The following TRERF1 variants were observed in gnomAD, a reference collection of about 807,000 sequenced individuals.
TRERF1 encodes the protein transcriptional-regulating factor 1.
In TRERF1, 27 loss-of-function variants were observed where a neutral mutation model predicts 122.9. The ratio of observed to expected loss-of-function variants is 0.22; its 90% CI spans 0.16 to 0.30. The LOEUF (loss-of-function observed/expected upper bound fraction) is 0.30. Ranked by LOEUF, TRERF1 falls within the 10% of genes least tolerant of loss-of-function variation. TRERF1 has a pLI of 1.00. For synonymous variants in TRERF1, 636 were observed against 641.7 expected, an observed-to-expected ratio of 0.99 and a Z score of 0.13; for missense variants, 1,248 against 1,560.3, an observed-to-expected ratio of 0.80 and a Z score of 3.37.
At chr6:42,311,844 C>A (rs1761722452) in intron 3 of TRERF1, among the ~76,000 whole-genome samples, 1 of 150,552 alleles carries the variant, frequency 6.6e-6, no homozygotes. Flanking sequence ...TCACTTTTCA[C>A]GTGGAGAACA....
chr6:42,238,973 G>A (rs1327000862), intron 15 of TRERF1, among the ~76,000 whole-genome samples: 1 of 151,988 alleles, frequency 6.6e-6, no homozygotes, highest in East Asian at 1.9e-4. Context: ...TGGTAAAAAA[G>A]TTGAACTGAG....
At chr6:42,386,183 C>G (rs1052176106) in intron 2 of TRERF1, among the ~76,000 whole-genome samples, 1 of 152,196 alleles carries the variant, frequency 6.6e-6, no homozygotes, top group Non-Finnish European at 1.5e-5. Context: ...CCTGTCTTTA[C>G]TAAAAACACA....
intron 2 of TRERF1, among the ~76,000 whole-genome samples, chr6:42,407,803 C>G (rs1780408132): frequency 6.6e-6 from 1 of 151,652 alleles, no homozygotes. Context: ...CAAATAAGCC[C>G]TATACCTGTC....
intron 14 of TRERF1, among the ~76,000 whole-genome samples, chr6:42,245,846 G>A (rs1396709538): frequency 1.3e-5 from 2 of 152,214 alleles, no homozygotes; most frequent in Admixed American, 1.3e-4. Flanking sequence ...GCCGGCTCAC[G>A]CCGGTAATCC....
At chr6:42,419,639 C>G (rs1034980662) in intron 2 of TRERF1, among the ~76,000 whole-genome samples, 2 of 152,130 alleles carry the variant, frequency 1.3e-5, no homozygotes, top group Non-Finnish European at 2.9e-5. Context: ...GCAACCAAAC[C>G]TTAAGGTCCC....
intron 17 of TRERF1, among the ~76,000 whole-genome samples, chr6:42,229,086 G>T (rs572277372): frequency 5.3e-4 from 80 of 152,256 alleles, no homozygotes; most frequent in African/African-American, 1.8e-3. Context: ...TCTGCCTCTG[G>T]CCTCTGTCCC....
At chr6:42,445,545 C>T (rs1469681344) in intron 2 of TRERF1, among the ~76,000 whole-genome samples, 2 of 152,098 alleles carry the variant, frequency 1.3e-5, no homozygotes, top group South Asian at 2.1e-4. Flanking sequence ...TACTTGACAT[C>T]TCCACTTTGA....
At chr6:42,308,993 TG>T (rs1787771448) in intron 3 of TRERF1, among the ~76,000 whole-genome samples, 1 of 152,218 alleles carries the variant, frequency 6.6e-6, no homozygotes, top group Admixed American at 6.5e-5. Flanking sequence ...AATTTTATGT[TG>T]GTGAATTTTA....
chr6:42,314,480 G>A (rs1018105890), intron 3 of TRERF1, among the ~76,000 whole-genome samples: 4 of 152,176 alleles, frequency 2.6e-5, no homozygotes, highest in Admixed American at 6.5e-5. Flanking sequence ...AATACTGGCC[G>A]AGTGCCTCAA....
intron 4 of TRERF1, among the ~76,000 whole-genome samples, chr6:42,272,014 A>C (rs143116471): frequency 6.6e-6 from 1 of 152,222 alleles, no homozygotes; most frequent in Non-Finnish European, 1.5e-5. Context: ...TTAAATTGCT[A>C]TGGTGTTTAG....
chr6:42,276,422 ATGCCTTGGCT>A lies in TRERF1; in HGVS notation c.-258-6584_-258-6575del, dbSNP rs1201690412. On this transcript the variant is annotated intron_variant, in intron 4 of 17. Transcript: ENST00000372922. This position sits in a 1 kb window ranked among gnomAD's most constrained non-coding sequence, Gnocchi z 4.3. ...AGAGACTGTATACACAATTCTCCAA[ATGCCTTGGCT>A]TGTGTTTTAGTCCAGCCTTCCTCTC... is the stretch of plus-strand genomic sequence containing the variant. Among the ~76,000 whole-genome samples, 5 of 152,142 alleles carry A rather than the reference ATGCCTTGGCT, an allele frequency of 3.3e-5. No individual in the cohort carries two copies. The highest frequency in any genetic ancestry group is 1.2e-4 in the African/African-American group (5 of 41,434).
intron 2 of TRERF1, among the ~76,000 whole-genome samples, chr6:42,365,440 T>C (rs1199693637): frequency 6.6e-6 from 1 of 152,142 alleles, no homozygotes; most frequent in Non-Finnish European, 1.5e-5. Flanking sequence ...GGCTTCATCA[T>C]TCTCCCGGGC....
At chr6:42,281,828 C>A (rs1782355904) in intron 4 of TRERF1, among the ~76,000 whole-genome samples, 1 of 152,232 alleles carries the variant, frequency 6.6e-6, no homozygotes, top group South Asian at 2.1e-4. Flanking sequence ...TGGGCGCTAA[C>A]CCCAGGCTAG....
At chr6:42,434,668 CCACACACACACACACACACA>C (rs3075920) in intron 2 of TRERF1, among the ~76,000 whole-genome samples, 6 of 114,896 alleles carry the variant, frequency 5.2e-5, no homozygotes, top group African/African-American at 1.7e-4. Flanking sequence ...ACACCCTCCA[CCACACACACACACACACACA>C]CACACACACA....
intron 16 of TRERF1, 146 bp downstream of exon 16, chr6:42,236,059 G>A: frequency 7.7e-7 from 1 of 1,294,258 alleles, no homozygotes; most frequent in South Asian, 1.8e-5. Context: ...GCCAAATGAA[G>A]CAGAAAACAA....
chr6:42,295,543 G>C lies in TRERF1; in HGVS notation c.-259+5095C>G, dbSNP rs538832445. On this transcript the variant is annotated intron_variant, in intron 4 of 17. Coordinates refer to ENST00000372922, the Ensembl canonical transcript of TRERF1. ...CACTTCTACACCCAGGATGCATGAG[G>C]CTCCTTCTCCAGCAGCCTCACCTTG... Among the ~76,000 whole-genome samples the C allele has an allele frequency of 4.6e-5, 7 of 152,260 alleles. No homozygotes were observed. The South Asian group carries it at 1.0e-3, about 23-fold the overall frequency.
At chr6:42,389,153 C>T (rs1314231257) in intron 2 of TRERF1, among the ~76,000 whole-genome samples, 1 of 152,192 alleles carries the variant, frequency 6.6e-6, no homozygotes, top group African/African-American at 2.4e-5. Flanking sequence ...TAAAATAGCC[C>T]ACTCCCTGGT....
At chr6:42,282,800 A>G (rs1782523869) in intron 4 of TRERF1, among the ~76,000 whole-genome samples, 1 of 152,204 alleles carries the variant, frequency 6.6e-6, no homozygotes, top group Non-Finnish European at 1.5e-5. Context: ...TGATCACTGA[A>G]TTAGTGAATA....
At chr6:42,249,349 T>G (rs1775345547) in intron 13 of TRERF1, among the ~76,000 whole-genome samples, 1 of 152,194 alleles carries the variant, frequency 6.6e-6, no homozygotes, top group Non-Finnish European at 1.5e-5. Flanking sequence ...TATACTTTTT[T>G]CTACCCACCA....
Sources: gnomAD v4.1 joint callset for allele counts (sites outside exome capture counted in the v4.1 genomes callset) on GRCh38, gnomAD v4.1.1 for gene constraint, Gnocchi (gnomAD v3.1) non-coding constraint, MANE v1.5 for transcripts, NCBI Gene and HGNC (gene_info 2026-07-23, HGNC 2026-07-21) for gene names.